The following BRDT variants were observed in gnomAD, a reference collection of about 807,000 sequenced individuals.
BRDT encodes bromodomain testis associated, also known as bromodomain testis-specific protein.
Under a neutral mutation model 113.9 loss-of-function variants are expected in BRDT, and 77 were observed. That is an observed-to-expected ratio of 0.68 (90% CI 0.56 to 0.82). The LOEUF is 0.82. BRDT is among the 40% of genes least tolerant of loss of function. The pLI, the probability that BRDT is intolerant of heterozygous loss-of-function variation, is 0.00. For missense variants in BRDT, 1,027 were observed against 1,105.4 expected, an observed-to-expected ratio of 0.93 and a Z score of 1.01; for synonymous variants, 358 against 366.5, an observed-to-expected ratio of 0.98 and a Z score of 0.26.
intron 12 of BRDT, among the ~76,000 whole-genome samples, chr1:91,985,174 C>G (rs997240727): frequency 8.5e-5 from 13 of 152,118 alleles, no homozygotes; most frequent in African/African-American, 3.1e-4. Context: ...CTCCGACTCC[C>G]GGGTTCAAGC....
chr1:91,978,767 G>A (rs1229127802), intron 7 of BRDT, among the ~76,000 whole-genome samples: 11 of 152,148 alleles, frequency 7.2e-5, no homozygotes, highest in Middle Eastern at 3.4e-3. Flanking sequence ...TTGGGAGGCC[G>A]AGGCGGGTGG....
chr1:91,960,043 A>G (rs1682263420), intron 1 of BRDT, among the ~76,000 whole-genome samples: 1 of 152,194 alleles, frequency 6.6e-6, no homozygotes, highest in East Asian at 1.9e-4. Context: ...AAAACAAAAC[A>G]AAAAATTACT....
chr1:92,001,264 T>G (rs983209539), intron 15 of BRDT, among the ~76,000 whole-genome samples: 2 of 152,252 alleles, frequency 1.3e-5, no homozygotes, highest in Non-Finnish European at 2.9e-5. Flanking sequence ...TTAGTCATCC[T>G]TACGTTCCCA....
chr1:91,981,900 T>C, intron 12 of BRDT, 145 bp downstream of exon 12: 1 of 1,179,148 alleles, frequency 8.5e-7, no homozygotes, highest in South Asian at 1.9e-5. Context: ...ATGTTGACAA[T>C]CTTAGTATTT....
intron 12 of BRDT, among the ~76,000 whole-genome samples, chr1:91,986,380 G>A (rs963930266): frequency 1.3e-5 from 2 of 152,090 alleles, no homozygotes; most frequent in African/African-American, 4.8e-5. Context: ...AAACCTTATA[G>A]GAAATAACTC....
Position 91,981,331 on chromosome 1 carries a change from G to A in BRDT, c.1814G>A (p.Arg605Gln), listed in dbSNP as rs35327986. ...HSQKKQELEKRLLDVNNQLNS... is the reference protein window; with the variant it reads ...HSQKKQELEKQLLDVNNQLNS... ...CAGAAAAAACAGGAATTGGAAAAGC[G>A]GTTACTGGATGTTAATAATCAGTTA... Residue 605 changes from arginine (R) to glutamine (Q), a missense_variant, in exon 11 of 19, where the codon CGG (arginine) becomes CAG (glutamine). Coordinates refer to ENST00000399546, the MANE Select transcript of BRDT (RefSeq NM_207189.4). The A allele has an allele frequency of 5.1e-4, 828 of 1,614,064 alleles. 5 individuals are homozygous for A. In the African/African-American group the frequency reaches 9.9e-3, roughly 19 times the overall value.
chr1:91,974,172 C>T (rs1683895204), intron 4 of BRDT, among the ~76,000 whole-genome samples: 2 of 152,146 alleles, frequency 1.3e-5, no homozygotes, highest in African/African-American at 4.8e-5. Context: ...GACCTAAAAC[C>T]ATAAAAACCC....
At chr1:91,951,778 A>G (rs1467442491) in intron 1 of BRDT, among the ~76,000 whole-genome samples, 3 of 151,520 alleles carry the variant, frequency 2.0e-5, no homozygotes, top group Non-Finnish European at 4.4e-5. Context: ...CAAAGTGGGG[A>G]AGGTGAGGTG....
chr1:91,963,434 TTAA>T (rs1448432761), intron 2 of BRDT, among the ~76,000 whole-genome samples: 7 of 152,266 alleles, frequency 4.6e-5, no homozygotes, highest in African/African-American at 1.7e-4. Flanking sequence ...CATTCTTATT[TTAA>T]TAATTTGTGA....
At chr1:91,967,688 G>A (rs182269918) in intron 3 of BRDT, among the ~76,000 whole-genome samples, 7 of 151,590 alleles carry the variant, frequency 4.6e-5, no homozygotes, top group East Asian at 1.9e-4. Flanking sequence ...GTGAGCCACC[G>A]CGCCCAGCCT....
intron 15 of BRDT, among the ~76,000 whole-genome samples, chr1:91,996,472 C>T (rs576352851): frequency 1.3e-5 from 2 of 152,292 alleles, no homozygotes; most frequent in African/African-American, 4.8e-5. Context: ...GTCTTGAACT[C>T]CTGGACTCAA....
At chr1:91,997,464 C>T (rs1050913209) in intron 15 of BRDT, among the ~76,000 whole-genome samples, 10 of 152,016 alleles carry the variant, frequency 6.6e-5, no homozygotes, top group African/African-American at 2.4e-4. Context: ...TTATAAAGAG[C>T]TAAAGTAGGA....
intron 15 of BRDT, among the ~76,000 whole-genome samples, chr1:91,996,240 A>C (rs1206524708): frequency 6.6e-6 from 1 of 151,978 alleles, no homozygotes; most frequent in Non-Finnish European, 1.5e-5. Flanking sequence ...GATTTTATTC[A>C]ATTTTATTTT....
In BRDT at chr1:91,980,895, A is replaced by G. The variant is rs1350804552; in HGVS notation, c.1467A>G (p.Pro489=). 4 of 1,600,038 alleles carry G rather than the reference A, an allele frequency of 2.5e-6. No individual in the cohort carries two copies. The highest frequency in any genetic ancestry group is 3.4e-6 in the Non-Finnish European group (4 of 1,175,846). Residue 489 remains proline (P), a synonymous_variant, in exon 10 of 19, where the codon CCA becomes CCG. Transcript: ENST00000399546. ...AATTTAGTTTTTGTTACAGTCAGCC[A>G]AAGAAAAGGAAACAACAGTTCATTG... The part of the protein sequence containing the change: ...RLKEKSKRNQ[P]KKRKQQFIGL...
At chr1:91,964,941 G>A (rs1327254529) in intron 3 of BRDT, among the ~76,000 whole-genome samples, 177 bp downstream of exon 3, 1 of 148,444 alleles carries the variant, frequency 6.7e-6, no homozygotes, top group African/African-American at 2.5e-5. Context: ...ATGGAGTCTG[G>A]CTCTGTCACC....
chr1:92,012,381 C>A (rs1570669391), intron 18 of BRDT, among the ~76,000 whole-genome samples: 1 of 151,868 alleles, frequency 6.6e-6, no homozygotes, highest in African/African-American at 2.4e-5. Flanking sequence ...TCCACATGCA[C>A]AGATTTTAGT....
intron 18 of BRDT, among the ~76,000 whole-genome samples, chr1:92,010,751 GT>G (rs199963552): frequency 2.0e-4 from 31 of 151,778 alleles, no homozygotes; most frequent in African/African-American, 7.0e-4. Context: ...AATGTGTGTG[GT>G]TTTTTTTATC....
At chr1:91,985,739 C>T (rs867377750) in intron 12 of BRDT, among the ~76,000 whole-genome samples, 4 of 147,936 alleles carry the variant, frequency 2.7e-5, no homozygotes, top group African/African-American at 5.0e-5. Context: ...CCCGGGTTCA[C>T]GTTATTCTCC....
chr1:91,967,479 A>G (rs1683186022), intron 3 of BRDT, among the ~76,000 whole-genome samples: 1 of 151,416 alleles, frequency 6.6e-6, no homozygotes, highest in Admixed American at 6.6e-5. Flanking sequence ...GCTCACCTCA[A>G]CCTCTGCCTC....
Sources: allele counts gnomAD v4.1 joint callset (sites outside exome capture counted in the v4.1 genomes callset), GRCh38; gene constraint gnomAD v4.1.1; transcripts MANE v1.5; gene names NCBI Gene and HGNC (gene_info 2026-07-23, HGNC 2026-07-21).